Variants in EFCAB7 observed in about 807,000 individuals in gnomAD.
EFCAB7 encodes EF-hand calcium binding domain 7, also known as EF-hand calcium-binding domain-containing protein 7.
A neutral mutation model predicts 77.1 loss-of-function variants in EFCAB7; 66 were observed. The observed-to-expected ratio is 0.86, with a 90% CI of 0.70 to 1.05. The LOEUF (loss-of-function observed/expected upper bound fraction) is 1.05, where lower values mean the gene tolerates loss of function less well. Ranked by LOEUF, EFCAB7 falls within the 50% of genes least tolerant of loss-of-function variation. EFCAB7 has a pLI of 0.00. For missense variants in EFCAB7, 638 were observed against 730.5 expected (o/e 0.87, Z 1.46); for synonymous variants, 225 against 243.3 (o/e 0.92, Z 0.70).
At chr1:63,581,766 A>G in the EFCAB7 span, among the ~76,000 whole-genome samples, 1 of 152,240 alleles carries the variant, frequency 6.6e-6, no homozygotes, top group African/African-American at 2.4e-5. Context: ...TAACCAAAAA[A>G]GCAAGAAAAA....
intron 11 of EFCAB7, among the ~76,000 whole-genome samples, chr1:63,562,469 ATATATATATATATATATATATATAT>A (rs1557687259): frequency 0.031 from 2,623 of 84,538 alleles, 155 homozygotes; most frequent in African/African-American, 0.12. Context: ...ATATATATAT[ATATATATATATATATATATATATAT>A]AAAACTTTTT....
rs1647291752 is a variant in EFCAB7, at chr1:63,572,470, AACG to A, written c.1847_1849del (p.Arg616del). 6.3e-7 allele frequency: 1 copy of A among 1,579,836 alleles called. No homozygotes were observed. Among genetic ancestry groups the A allele is most frequent in the South Asian group, 1.2e-5 (1 of 84,636 alleles). ...TGTCAACATGTAATGCCTTTGAATG[AACG>A]ACAAGAATGGATATATTATTGTATA... On this transcript the variant is annotated inframe_deletion, in exon 14 of 14. Transcript: ENST00000371088.
chr1:63,525,142 T>C (rs1646563810), intron 1 of EFCAB7, among the ~76,000 whole-genome samples: 1 of 152,204 alleles, frequency 6.6e-6, no homozygotes, highest in Non-Finnish European at 1.5e-5. Flanking sequence ...TTGTATATGC[T>C]TCACATGTAT....
chr1:63,544,913 TTTTC>T (rs1176913707), intron 6 of EFCAB7, among the ~76,000 whole-genome samples: 31 of 151,570 alleles, frequency 2.0e-4, no homozygotes, highest in Admixed American at 1.6e-3. Context: ...TTCATTTTTC[TTTTC>T]TTTCTTTTTT....
chr1:63,545,500 T>C lies in EFCAB7; in HGVS notation c.805-416T>C, dbSNP rs184354137. 6.6e-5 allele frequency among the ~76,000 whole-genome samples: 10 copies of C among 152,252 alleles called. No homozygotes were observed. In the East Asian group the frequency reaches 1.7e-3, roughly 27 times the overall value. On this transcript the variant is annotated intron_variant, in intron 6 of 13. Transcript: ENST00000371088. ...GGATTTTTTTGAGACGGAGTTTCCC[T>C]CTTGTTGCCAAGCTGGAGTACAATG...
chr1:63,527,283 T>C (rs1646609943), intron 2 of EFCAB7, among the ~76,000 whole-genome samples: 1 of 152,232 alleles, frequency 6.6e-6, no homozygotes, highest in Non-Finnish European at 1.5e-5. Context: ...TATACAGTGT[T>C]TGTCTCTTCA....
intron 7 of EFCAB7, among the ~76,000 whole-genome samples, chr1:63,550,896 T>C (rs1646956772): frequency 6.6e-6 from 1 of 152,118 alleles, no homozygotes; most frequent in South Asian, 2.1e-4. Context: ...AAAGACTGAG[T>C]TACCATTAAC....
intron 6 of EFCAB7, among the ~76,000 whole-genome samples, chr1:63,543,419 T>C (rs1053251438): frequency 4.6e-5 from 7 of 152,180 alleles, no homozygotes; most frequent in African/African-American, 1.7e-4. Context: ...ATTTTGGATA[T>C]AAAATTAATT....
chr1:63,578,733 G>A, the EFCAB7 span, among the ~76,000 whole-genome samples: 9 of 151,474 alleles, frequency 5.9e-5, no homozygotes, highest in African/African-American at 1.7e-4. Flanking sequence ...GAGCCACTGC[G>A]CCCGGCCTCA....
At chr1:63,579,740 A>G in the EFCAB7 span, among the ~76,000 whole-genome samples, 2 of 152,208 alleles carry the variant, frequency 1.3e-5, no homozygotes, top group African/African-American at 4.8e-5. Flanking sequence ...TTTAGCCATT[A>G]TAATAGATGT....
downstream of EFCAB7, among the ~76,000 whole-genome samples, chr1:63,575,871 G>C (rs187525587): frequency 4.6e-5 from 7 of 152,176 alleles, no homozygotes; most frequent in East Asian, 1.2e-3. Flanking sequence ...ACAGGCATGA[G>C]ACACTGCCCC....
intron 4 of EFCAB7, 96 bp downstream of exon 4, chr1:63,532,852 G>A (rs1646715593): frequency 1.1e-6 from 1 of 918,894 alleles, no homozygotes; most frequent in Non-Finnish European, 1.7e-6. Context: ...ACATTACAGT[G>A]TACATGCAAT....
intron 2 of EFCAB7, among the ~76,000 whole-genome samples, chr1:63,530,127 T>G (rs901368278): frequency 2.0e-5 from 3 of 152,222 alleles, no homozygotes; most frequent in African/African-American, 7.2e-5. Flanking sequence ...ACAATAATGT[T>G]CAATATAACT....
chr1:63,551,714 T>G lies in EFCAB7; in HGVS notation c.947-11T>G, dbSNP rs775248206. On this transcript the variant is annotated splice_polypyrimidine_tract_variant and intron_variant, in intron 7 of 13. Coordinates refer to ENST00000371088, the MANE Select transcript of EFCAB7 (RefSeq NM_032437.4). ...ATTTTAAGGTGTTTGGGCTTTTTTT[T>G]TTGTTTGTAGGAAAACCATCCCCTT... 6.2e-6 allele frequency: 9 copies of G among 1,459,690 alleles called. No individual in the cohort carries two copies. The Admixed American group carries it at 9.2e-5, about 15-fold the overall frequency. 90.4% of individuals were successfully genotyped at this position (1,459,690 alleles called of 1,614,324 possible).
chr1:63,524,080 G>C (rs1570360376), intron 1 of EFCAB7, among the ~76,000 whole-genome samples: 2 of 152,066 alleles, frequency 1.3e-5, no homozygotes, highest in South Asian at 4.1e-4. Flanking sequence ...TTGGTTTCTC[G>C]TCACAGAAAG....
At chr1:63,549,803 T>C (rs1259934998) in intron 7 of EFCAB7, 1 of 169,872 alleles carries the variant, frequency 5.9e-6, no homozygotes, top group Non-Finnish European at 1.2e-5. Context: ...ATGTTAAAAT[T>C]ACTGTGAAAG....
At chr1:63,559,621 C>T (rs928638675) in intron 10 of EFCAB7, among the ~76,000 whole-genome samples, 1 of 151,964 alleles carries the variant, frequency 6.6e-6, no homozygotes, top group Admixed American at 6.6e-5. Flanking sequence ...GCCACCACAC[C>T]TGGCTAATTT....
chr1:63,561,681 A>G, intron 10 of EFCAB7, 28 bp from the exon 11 acceptor site: 1 of 1,496,022 alleles, frequency 6.7e-7, no homozygotes. Context: ...TAAATTATGT[A>G]AGAAAAAACT....
intron 11 of EFCAB7, among the ~76,000 whole-genome samples, chr1:63,565,693 T>TC (rs1647162759): frequency 1.1e-5 from 1 of 92,062 alleles, no homozygotes; most frequent in Admixed American, 1.2e-4. Flanking sequence ...AAAAATTCCA[T>TC]TAAAAATGGG....
Sources: allele counts gnomAD v4.1 joint callset (sites outside exome capture counted in the v4.1 genomes callset), GRCh38; gene constraint gnomAD v4.1.1; transcripts MANE v1.5; gene names NCBI Gene and HGNC (gene_info 2026-07-23, HGNC 2026-07-21).